RBL2: variants seen among roughly 807,000 people sequenced by gnomAD.
RBL2 encodes RB transcriptional corepressor like 2.
Under a neutral mutation model 126.0 loss-of-function variants are expected in RBL2, and 56 were observed. That is an observed-to-expected ratio of 0.44 (90% CI 0.36 to 0.56). RBL2 has a LOEUF of 0.56. RBL2 is among the 20% of genes least tolerant of loss of function. The pLI is 0.00. For missense variants in RBL2, 1,229 were observed against 1,398.2 expected (o/e 0.88, Z 1.93); for synonymous variants, 454 against 478.5 (o/e 0.95, Z 0.67).
At position 53,490,424 on chromosome 16, in the gene RBL2, G is replaced by A. The variant is rs566814869; in HGVS notation, c.*124G>A. On this transcript the variant is annotated 3_prime_UTR_variant, in exon 22 of 22. Coordinates refer to ENST00000262133, the MANE Select transcript of RBL2 (RefSeq NM_005611.4). ...TTACAGCCTGTTAGTAACATGAGGG[G>A]ACATTTTGGTGAGAAATGGGACTTA... is the stretch of plus-strand genomic sequence containing the variant. 1.3e-6 allele frequency: 1 copy of A among 792,158 alleles called. No individual in the cohort carries two copies. The highest frequency in any genetic ancestry group is 1.8e-5 in the African/African-American group (1 of 56,408). 49.1% of individuals were successfully genotyped at this position (792,158 alleles called of 1,614,324 possible). A position where few individuals can be genotyped will look rare whatever the true frequency, so the allele number is the denominator to read the frequency against.
chr16:53,441,551 A>T (rs1183352107), intron 2 of RBL2, among the ~76,000 whole-genome samples: 2 of 152,252 alleles, frequency 1.3e-5, no homozygotes, highest in Non-Finnish European at 2.9e-5. Flanking sequence ...AAATGAATAT[A>T]TCTTACATAT....
chr16:53,481,239 CTGT>C (rs1567747060), intron 20 of RBL2: 1 of 174,282 alleles, frequency 5.7e-6, no homozygotes, highest in Admixed American at 5.8e-5. Flanking sequence ...ATAAATTCTA[CTGT>C]TGTTAAGCAT....
chr16:53,453,006 G>T (rs1411934804), intron 5 of RBL2, among the ~76,000 whole-genome samples: 1 of 151,780 alleles, frequency 6.6e-6, no homozygotes, highest in Non-Finnish European at 1.5e-5. Context: ...TTTCTTTTGT[G>T]CTGAGTCTAG....
At chr16:53,480,991 T>A in intron 20 of RBL2, 1 of 393,564 alleles carries the variant, frequency 2.5e-6, no homozygotes, top group South Asian at 3.0e-5. Flanking sequence ...AAACCCAGTC[T>A]CTACTAAAAA....
intron 2 of RBL2, among the ~76,000 whole-genome samples, chr16:53,439,831 G>T (rs2057996279): frequency 6.6e-6 from 1 of 151,702 alleles, no homozygotes; most frequent in South Asian, 2.1e-4. Context: ...AAATTAACTG[G>T]GTGTGGTTGT....
Position 53,434,745 on chromosome 16 carries a change from G to A in RBL2, c.189G>A (p.Arg63=). 6.5e-7 allele frequency: 1 copy of A among 1,544,976 alleles called. No homozygotes were observed. The highest frequency in any genetic ancestry group is 8.7e-7 in the Non-Finnish European group (1 of 1,153,262). ...CSRLNMDEAA[R]AEAWDSYRSM... ...GCCTCAACATGGACGAGGCGGCGCGGGCCGAGGCCTGGGACAGCTACCGCA... is the reference window on the plus strand; with the variant it reads ...GCCTCAACATGGACGAGGCGGCGCGAGCCGAGGCCTGGGACAGCTACCGCA... Residue 63 remains arginine (R), a synonymous_variant, in exon 1 of 22, where the codon CGG becomes CGA. Transcript: ENST00000262133.
intron 13 of RBL2, among the ~76,000 whole-genome samples, chr16:53,466,486 T>G (rs566540008): frequency 6.6e-6 from 1 of 151,940 alleles, no homozygotes; most frequent in East Asian, 1.9e-4. Context: ...AGCCCTGAGC[T>G]TGTTTTCCTG....
intron 17 of RBL2, among the ~76,000 whole-genome samples, chr16:53,475,464 C>T (rs1960691262): frequency 6.6e-6 from 1 of 152,224 alleles, no homozygotes; most frequent in Admixed American, 6.5e-5. Flanking sequence ...GATCCATCCA[C>T]CTTGGCCTCC....
rs756810203 is a variant in RBL2 at position 53,453,693 on chromosome 16, C to G, written c.928-12C>G. On this transcript the variant is annotated splice_polypyrimidine_tract_variant and intron_variant, in intron 6 of 21. Coordinates refer to ENST00000262133, the MANE Select transcript of RBL2 (RefSeq NM_005611.4). Reference sequence around the variant, plus strand: ...TAACATGACGACTTAAGGATCTCTTCTTTCATCATAGCTCCTTAAGGGAAA... The same window carrying G: ...TAACATGACGACTTAAGGATCTCTTGTTTCATCATAGCTCCTTAAGGGAAA... 3.1e-6 allele frequency: 5 copies of G among 1,607,080 alleles called. No homozygotes were observed. The highest frequency in any genetic ancestry group is 4.2e-6 in the Non-Finnish European group (5 of 1,177,348).
intron 4 of RBL2, among the ~76,000 whole-genome samples, chr16:53,447,590 G>T (rs1458231640): frequency 1.3e-5 from 2 of 151,566 alleles, no homozygotes; most frequent in Non-Finnish European, 2.9e-5. Context: ...CCTACCCAAG[G>T]TCTGCATTCA....
chr16:53,448,967 A>AT (rs1231151048), intron 4 of RBL2: 7 of 152,312 alleles, frequency 4.6e-5, no homozygotes, highest in Admixed American at 3.9e-4. Flanking sequence ...TCTCTGGCTA[A>AT]TTAGGGTGAG....
At chr16:53,445,603 T>C (rs2058055135) in intron 3 of RBL2, among the ~76,000 whole-genome samples, 1 of 152,224 alleles carries the variant, frequency 6.6e-6, no homozygotes, top group Admixed American at 6.5e-5. Flanking sequence ...CGTGGAGTTC[T>C]TATTGAAACT....
chr16:53,456,964 A>G (rs117895537), intron 8 of RBL2, among the ~76,000 whole-genome samples: 2,374 of 152,236 alleles, frequency 0.016, 31 homozygotes, highest in Non-Finnish European at 0.028. Flanking sequence ...GTCTCCTTGC[A>G]TTAGAATATA....
At chr16:53,435,796 T>G (rs1307208717) in intron 1 of RBL2, 13 of 1,214,208 alleles carry the variant, frequency 1.1e-5, no homozygotes, top group African/African-American at 1.6e-5. Flanking sequence ...AGTGAGGTTA[T>G]TTTTAATTTG....
At chr16:53,449,955 T>A (rs1271365962) in intron 4 of RBL2, among the ~76,000 whole-genome samples, 1 of 145,620 alleles carries the variant, frequency 6.9e-6, no homozygotes, top group Non-Finnish European at 1.5e-5. Context: ...GTTACAGTAC[T>A]GCCTTTTTTT....
At chr16:53,487,746 T>C (rs1263553594) in intron 21 of RBL2, 1 of 152,228 alleles carries the variant, frequency 6.6e-6, no homozygotes, top group Non-Finnish European at 1.5e-5. Flanking sequence ...AAACCAGCCA[T>C]AGACTATTAG....
chr16:53,454,508 A>G, intron 7 of RBL2, 148 bp from the exon 8 acceptor site: 1 of 710,510 alleles, frequency 1.4e-6, no homozygotes, highest in Non-Finnish European at 2.3e-6. Context: ...CAGCTATACT[A>G]TCCAGTTCTT....
intron 17 of RBL2, among the ~76,000 whole-genome samples, chr16:53,472,944 TGAAAA>T (rs941794616): frequency 2.6e-5 from 4 of 152,314 alleles, no homozygotes; most frequent in Non-Finnish European, 4.4e-5. Flanking sequence ...GCACCATTGT[TGAAAA>T]GAAGATTTTT....
rs548100895 is a variant in RBL2, at chr16:53,455,017, T to C, written c.1179+175T>C. 3.9e-5 allele frequency among the ~76,000 whole-genome samples: 6 copies of C among 152,320 alleles called. No individual in the cohort carries two copies. The South Asian group carries it at 1.0e-3, about 26-fold the overall frequency. ...CTCTATGATATTTGCTTTGTTAATA[T>C]CAACTTTCATTCATTTTAGTGAGGT... On this transcript the variant is annotated intron_variant, in intron 8 of 21. Transcript: ENST00000262133.
Sources: allele counts gnomAD v4.1 joint callset (sites outside exome capture counted in the v4.1 genomes callset), GRCh38; gene constraint gnomAD v4.1.1; transcripts MANE v1.5; gene names NCBI Gene and HGNC (gene_info 2026-07-23, HGNC 2026-07-21).